Variants in NBEA observed in about 807,000 individuals in gnomAD.
NBEA encodes lysosomal-trafficking regulator 2.
In NBEA, 44 loss-of-function variants were observed where a neutral mutation model predicts 343.4. The observed-to-expected ratio is 0.13, with a 90% CI of 0.10 to 0.16. NBEA has a LOEUF of 0.16. NBEA is among the 10% of genes least tolerant of loss of function. The pLI, the probability that NBEA is intolerant of heterozygous loss-of-function variation, is 1.00. For synonymous variants in NBEA, 1,175 were observed against 1,238.7 expected, an observed-to-expected ratio of 0.95 and a Z score of 1.08; for missense variants, 2,555 against 3,631.3, an observed-to-expected ratio of 0.70 and a Z score of 7.62.
intron 41 of NBEA, among the ~76,000 whole-genome samples, chr13:35,513,301 AATTT>A (rs2077357381): frequency 8.5e-6 from 1 of 117,286 alleles, no homozygotes; most frequent in African/African-American, 3.5e-5. Flanking sequence ...CACACCTGGC[AATTT>A]TTTTTTTTTT....
At chr13:34,978,982 G>A (rs2060268113) in intron 1 of NBEA, among the ~76,000 whole-genome samples, 1 of 152,044 alleles carries the variant, frequency 6.6e-6, no homozygotes, top group African/African-American at 2.4e-5. Flanking sequence ...AAATACCTAA[G>A]AATGTAATTA....
intron 10 of NBEA, among the ~76,000 whole-genome samples, chr13:35,086,134 C>T (rs988924135): frequency 7.9e-5 from 12 of 151,928 alleles, no homozygotes; most frequent in African/African-American, 4.8e-5. Flanking sequence ...GAATCAATAT[C>T]GTGAAAATGG....
At chr13:35,025,922 C>T (rs946204918) in intron 1 of NBEA, among the ~76,000 whole-genome samples, 1 of 152,044 alleles carries the variant, frequency 6.6e-6, no homozygotes, top group African/African-American at 2.4e-5. Flanking sequence ...TTAATTAGCT[C>T]CTTATTCCTA....
Position 34,942,737 on chromosome 13 carries a change from CCGGGGGG to C in NBEA, c.-77_-71del. 8.6e-7 allele frequency: 1 copy of C among 1,159,876 alleles called. No individual in the cohort carries two copies. 71.8% of individuals were successfully genotyped at this position (1,159,876 alleles called of 1,614,324 possible). A position where few individuals can be genotyped will look rare whatever the true frequency, so the allele number is the denominator to read the frequency against. On this transcript the variant is annotated 5_prime_UTR_variant, in exon 1 of 59. The change creates a premature stop within an existing upstream ORF in the 5' untranslated region. Transcript: ENST00000379939. ...GGATGCTGGGGCTCCGAGGCGACGG[CCGGGGGG>C]CGGGGGCCGAGGCAGGTATAACGGT...
intron 46 of NBEA, among the ~76,000 whole-genome samples, chr13:35,587,470 C>T (rs1160544046): frequency 2.0e-5 from 3 of 152,082 alleles, no homozygotes; most frequent in Non-Finnish European, 2.9e-5. Context: ...TGAGCCACCA[C>T]CATGGAGGGA....
At chr13:35,181,642 A>G (rs761688410) in intron 28 of NBEA, among the ~76,000 whole-genome samples, 18 of 151,614 alleles carry the variant, frequency 1.2e-4, no homozygotes, top group African/African-American at 3.9e-4. Context: ...TCTTTTTGCT[A>G]TGCAGAAGCT....
In NBEA at chr13:35,159,479, C is replaced by G; in HGVS notation, c.3308C>G (p.Ala1103Gly). 1 of 1,613,150 alleles carries G rather than the reference C, an allele frequency of 6.2e-7. No homozygotes were observed. Among genetic ancestry groups the G allele is most frequent in the Admixed American group, 1.7e-5 (1 of 59,886 alleles). ...ESLLDNVYSA[A>G]VEKLQNNVHG... is the part of the protein sequence containing the mutation. ...CTGTTGGATAATGTATATAGTGCTG[C>G]TGTTGAGAAACTCCAGAACAATGTA... is the stretch of plus-strand genomic sequence containing the variant. The change falls in exon 22 of 59, where the codon GCT becomes GGT. Residue 1103 changes from alanine to glycine, a missense_variant. By Grantham distance (60) the Ala-to-Gly change is moderately conservative. Coordinates refer to ENST00000379939, the MANE Select transcript of NBEA (RefSeq NM_001385012.1).
chr13:35,529,478 G>A (rs1029964157), intron 41 of NBEA, among the ~76,000 whole-genome samples: 3 of 152,164 alleles, frequency 2.0e-5, no homozygotes, highest in South Asian at 2.1e-4. Flanking sequence ...GAAAATGTTA[G>A]TGAAAAACAC....
intron 18 of NBEA, among the ~76,000 whole-genome samples, chr13:35,151,562 T>A (rs918152811): frequency 9.3e-5 from 13 of 139,210 alleles, no homozygotes; most frequent in Non-Finnish European, 2.1e-4. Context: ...AAAAAAAAAA[T>A]TAAGGCACAA....
intron 39 of NBEA, among the ~76,000 whole-genome samples, chr13:35,448,426 T>A (rs1225739533): frequency 6.6e-6 from 1 of 152,218 alleles, no homozygotes; most frequent in Non-Finnish European, 1.5e-5. Context: ...ATACATATAT[T>A]CTCCGGCTTG....
chr13:35,211,222 G>A (rs1178067635), intron 33 of NBEA, 43 bp downstream of exon 33: 1 of 1,484,382 alleles, frequency 6.7e-7, no homozygotes, highest in Non-Finnish European at 9.1e-7. Context: ...CTTTTTAAAT[G>A]TAGTGAAACA....
At chr13:35,513,016 G>T in intron 41 of NBEA, among the ~76,000 whole-genome samples, 1 of 151,986 alleles carries the variant, frequency 6.6e-6, no homozygotes, top group East Asian at 1.9e-4. Context: ...TACTATACAG[G>T]TTTTTTTAAA....
At chr13:35,207,921 T>C (rs1275012420) in intron 31 of NBEA, among the ~76,000 whole-genome samples, 1 of 152,156 alleles carries the variant, frequency 6.6e-6, no homozygotes, top group African/African-American at 2.4e-5. Context: ...GAAGAAGCTT[T>C]AGAATTTGGC....
intron 33 of NBEA, among the ~76,000 whole-genome samples, chr13:35,223,028 G>T (rs986812900): frequency 6.6e-6 from 1 of 152,138 alleles, no homozygotes; most frequent in African/African-American, 2.4e-5. Flanking sequence ...CTACTCCGGA[G>T]TCTGAGGCAG....
intron 38 of NBEA, among the ~76,000 whole-genome samples, chr13:35,409,479 C>T (rs890137184): frequency 1.4e-4 from 21 of 151,848 alleles, no homozygotes; most frequent in Non-Finnish European, 1.3e-4. Context: ...TGCACAAGTA[C>T]CCCTGAACTT....
chr13:35,367,593 T>G (rs573813884), intron 38 of NBEA, among the ~76,000 whole-genome samples: 1 of 151,078 alleles, frequency 6.6e-6, no homozygotes, highest in Non-Finnish European at 1.5e-5. Context: ...TCTATTACCA[T>G]TATTCAGTAA....
chr13:35,070,229 A>C (rs760667621), intron 9 of NBEA, 124 bp downstream of exon 9: 1 of 923,076 alleles, frequency 1.1e-6, no homozygotes, highest in Non-Finnish European at 1.5e-6. Context: ...GCTTTTGCAG[A>C]TCTTTTAAGT....
At chr13:35,546,405 C>T (rs2079060266) in intron 41 of NBEA, among the ~76,000 whole-genome samples, 1 of 149,466 alleles carries the variant, frequency 6.7e-6, no homozygotes, top group African/African-American at 2.5e-5. Flanking sequence ...GTGGAGGTTG[C>T]ATGAGAGGAG....
chr13:35,151,433 C>T (rs1251209596), intron 18 of NBEA, among the ~76,000 whole-genome samples: 2 of 151,212 alleles, frequency 1.3e-5, no homozygotes, highest in African/African-American at 4.9e-5. Context: ...ATTACAGCTA[C>T]TCAGGAGGCA....
Sources: gnomAD v4.1 joint callset for allele counts (sites outside exome capture counted in the v4.1 genomes callset) on GRCh38, gnomAD v4.1.1 for gene constraint, MANE v1.5 for transcripts, NCBI Gene and HGNC (gene_info 2026-07-23, HGNC 2026-07-21) for gene names.